The following AGTPBP1 variants were observed in gnomAD, a reference collection of about 807,000 sequenced individuals.
The protein encoded by AGTPBP1 is ATP/GTP binding carboxypeptidase 1.
In AGTPBP1, 70 loss-of-function variants were observed where a neutral mutation model predicts 143.9. The observed-to-expected ratio is 0.49, with a 90% CI of 0.40 to 0.59. The LOEUF (loss-of-function observed/expected upper bound fraction) is 0.59. AGTPBP1 is among the 20% of genes least tolerant of loss of function. The probability of loss-of-function intolerance (pLI) is 0.00; values close to 1 mark genes in which losing one functional copy is unlikely to be tolerated. For missense variants in AGTPBP1, 1,229 were observed against 1,464.5 expected (o/e 0.84, Z 2.62); for synonymous variants, 463 against 500.2 (o/e 0.93, Z 0.99).
rs1828753752 is a variant in AGTPBP1 at position 85,588,489 on chromosome 9, C to T, written c.2723-11G>A. On this transcript the variant is annotated splice_polypyrimidine_tract_variant and intron_variant, in intron 20 of 25. Coordinates refer to ENST00000357081, the MANE Select transcript of AGTPBP1 (RefSeq NM_001330701.2). ...CGTAAGGGCGATTTCCTAAAGTACA[C>T]ATAAAATCTCAAATTAAAATGAACA... is the stretch of plus-strand genomic sequence containing the variant. 1 of 1,602,220 alleles carries T rather than the reference C, an allele frequency of 6.2e-7. No homozygotes were observed. Among genetic ancestry groups the T allele is most frequent in the Non-Finnish European group, 8.5e-7 (1 of 1,176,894 alleles).
the AGTPBP1 span, among the ~76,000 whole-genome samples, chr9:85,793,715 A>G: frequency 6.6e-6 from 1 of 152,184 alleles, no homozygotes; most frequent in Admixed American, 6.5e-5. Context: ...ATCTCCCATA[A>G]GAAAGGAAGC....
intron 1 of AGTPBP1, among the ~76,000 whole-genome samples, chr9:85,718,112 T>C (rs1376133568): frequency 6.6e-6 from 1 of 152,224 alleles, no homozygotes; most frequent in Non-Finnish European, 1.5e-5. Flanking sequence ...AAGTCTTTGC[T>C]ATTGTGAATG....
intron 1 of AGTPBP1, among the ~76,000 whole-genome samples, chr9:85,718,389 T>C (rs1725585124): frequency 6.6e-6 from 1 of 152,222 alleles, no homozygotes; most frequent in Non-Finnish European, 1.5e-5. Flanking sequence ...TATCTCATTG[T>C]GGTTTTGATT....
At chr9:85,699,263 C>G (rs1836489707) in intron 2 of AGTPBP1, among the ~76,000 whole-genome samples, 1 of 152,156 alleles carries the variant, frequency 6.6e-6, no homozygotes, top group Non-Finnish European at 1.5e-5. Flanking sequence ...AAACCATAGG[C>G]ACATGCCACC....
At chr9:85,669,110 G>T (rs2134048562) in intron 8 of AGTPBP1, among the ~76,000 whole-genome samples, 1 of 150,528 alleles carries the variant, frequency 6.6e-6, no homozygotes, top group East Asian at 2.0e-4. Context: ...GATTGTTCAG[G>T]TATTCATAAG....
At chr9:85,641,236 G>C (rs1011053710) in intron 13 of AGTPBP1, among the ~76,000 whole-genome samples, 1 of 152,190 alleles carries the variant, frequency 6.6e-6, no homozygotes, top group African/African-American at 2.4e-5. Context: ...AGAAGGTACA[G>C]AAGAAACAGG....
At chr9:85,799,266 T>C in the AGTPBP1 span, among the ~76,000 whole-genome samples, 13 of 152,318 alleles carry the variant, frequency 8.5e-5, no homozygotes, top group South Asian at 2.7e-3. Flanking sequence ...GTCTTTGCTA[T>C]TGTGAATAGT....
At chr9:85,571,315 C>A (rs189951291) in intron 25 of AGTPBP1, among the ~76,000 whole-genome samples, 1 of 152,148 alleles carries the variant, frequency 6.6e-6, no homozygotes, top group African/African-American at 2.4e-5. Context: ...GCAGTGATAG[C>A]CTGGGAAATC....
At chr9:85,793,499 T>C in the AGTPBP1 span, 3 of 152,172 alleles carry the variant, frequency 2.0e-5, no homozygotes, top group Non-Finnish European at 4.4e-5. Flanking sequence ...GTGTAAGGAA[T>C]ATTTTGTCTC....
chr9:85,584,919 C>A (rs1026846763), intron 23 of AGTPBP1, among the ~76,000 whole-genome samples: 1 of 152,108 alleles, frequency 6.6e-6, no homozygotes, highest in Admixed American at 6.5e-5. Context: ...ATAATTCTCT[C>A]CAACTTTAAA....
intron 3 of AGTPBP1, 59 bp downstream of exon 3, chr9:85,692,630 C>A: frequency 8.9e-6 from 14 of 1,567,232 alleles, no homozygotes. Flanking sequence ...ACATTTTTAG[C>A]ATCCACTTTT....
chr9:85,673,846 C>T (rs533881812), intron 6 of AGTPBP1, among the ~76,000 whole-genome samples: 7 of 151,900 alleles, frequency 4.6e-5, no homozygotes, highest in East Asian at 3.9e-4. Flanking sequence ...TAAGGCAGGG[C>T]GCGGTGGCTC....
At chr9:85,689,722 C>T (rs1397244682) in intron 3 of AGTPBP1, among the ~76,000 whole-genome samples, 1 of 151,176 alleles carries the variant, frequency 6.6e-6, no homozygotes, top group Admixed American at 6.6e-5. Context: ...TGGTGAAATT[C>T]CATCTCTACT....
intron 4 of AGTPBP1, among the ~76,000 whole-genome samples, chr9:85,678,676 T>A (rs978439588): frequency 4.6e-5 from 7 of 152,300 alleles, no homozygotes; most frequent in Middle Eastern, 6.8e-3. Flanking sequence ...ATAATAAAAG[T>A]AAATGAATCA....
At position 85,586,942 on chromosome 9, in the gene AGTPBP1, A is replaced by G; in HGVS notation, c.2922T>C (p.Ser974=). The G allele has an allele frequency of 1.2e-5, 20 of 1,613,916 alleles. No homozygotes were observed. The highest frequency in any genetic ancestry group is 1.7e-5 in the Non-Finnish European group (20 of 1,179,886). The change falls in exon 22 of 26, where the codon AGT becomes AGC. Residue 974 remains serine (S), a synonymous_variant. Transcript: ENST00000357081. ...VINGNHRCSL[S]GEDLNRQWQS... Reference sequence around the variant, plus strand: ...GCCACTGCCTATTCAAATCCTCTCCACTTAAAGAACAGCGATGACTACATG... The same window carrying G: ...GCCACTGCCTATTCAAATCCTCTCCGCTTAAAGAACAGCGATGACTACATG...
intron 25 of AGTPBP1, among the ~76,000 whole-genome samples, chr9:85,557,600 T>C (rs539066717): frequency 7.2e-5 from 11 of 152,336 alleles, no homozygotes; most frequent in African/African-American, 2.6e-4. Flanking sequence ...GAAAATCTTT[T>C]TTCTTAATTT....
At chr9:85,727,252 A>G (rs1291841559) in intron 1 of AGTPBP1, among the ~76,000 whole-genome samples, 1 of 152,086 alleles carries the variant, frequency 6.6e-6, no homozygotes, top group South Asian at 2.1e-4. Context: ...ACTTGAACCC[A>G]GGAGATGGAG....
chr9:85,634,335 A>G (rs1015364181), intron 13 of AGTPBP1, among the ~76,000 whole-genome samples: 7 of 152,048 alleles, frequency 4.6e-5, no homozygotes, highest in African/African-American at 1.7e-4. Context: ...AGAAGCAAAG[A>G]CGGTGAGGGC....
chr9:85,648,997 C>T (rs1192192686), intron 11 of AGTPBP1, among the ~76,000 whole-genome samples: 1 of 152,098 alleles, frequency 6.6e-6, no homozygotes. Context: ...ATGTGAAATG[C>T]CATGTAGCTT....
Sources: allele counts gnomAD v4.1 joint callset (sites outside exome capture counted in the v4.1 genomes callset), GRCh38; gene constraint gnomAD v4.1.1; transcripts MANE v1.5; gene names NCBI Gene and HGNC (gene_info 2026-07-23, HGNC 2026-07-21).